The following RSRC1 variants were observed in gnomAD, a reference collection of about 807,000 sequenced individuals.
RSRC1 encodes the protein serine/Arginine-related protein 53.
In RSRC1, 39 loss-of-function variants were observed where a neutral mutation model predicts 49.1. That is an observed-to-expected ratio of 0.79 (90% CI 0.61 to 1.04). The LOEUF (loss-of-function observed/expected upper bound fraction) is 1.04. Ranked by LOEUF, RSRC1 falls within the 50% of genes least tolerant of loss-of-function variation. The pLI, the probability that RSRC1 is intolerant of heterozygous loss-of-function variation, is 0.00. For missense variants in RSRC1, 388 were observed against 402.4 expected (o/e 0.96, Z 0.31); for synonymous variants, 143 against 130.8 (o/e 1.09, Z -0.63).
chr3:158,426,093 G>T (rs1054349985), intron 6 of RSRC1, among the ~76,000 whole-genome samples: 2 of 151,538 alleles, frequency 1.3e-5, no homozygotes, highest in African/African-American at 4.8e-5. Flanking sequence ...ATTTCAAAAG[G>T]CTTAGATATT....
chr3:158,387,168 T>C (rs1344070681), intron 6 of RSRC1, among the ~76,000 whole-genome samples: 2 of 152,126 alleles, frequency 1.3e-5, no homozygotes, highest in African/African-American at 2.4e-5. Context: ...AATACAAATA[T>C]AAGGATTATC....
chr3:158,477,369 C>A (rs1195691430), intron 7 of RSRC1, among the ~76,000 whole-genome samples: 1 of 152,106 alleles, frequency 6.6e-6, no homozygotes, highest in Non-Finnish European at 1.5e-5. Flanking sequence ...GTTGATGCAG[C>A]AAGCTTCATT....
chr3:158,295,200 A>C (rs762280641), intron 4 of RSRC1, among the ~76,000 whole-genome samples: 3 of 152,068 alleles, frequency 2.0e-5, no homozygotes, highest in Non-Finnish European at 4.4e-5. Context: ...ATGAGTCCTG[A>C]AGGATGGATT....
chr3:158,290,486 AG>A (rs1726871614), intron 4 of RSRC1, among the ~76,000 whole-genome samples: 1 of 152,122 alleles, frequency 6.6e-6, no homozygotes, highest in South Asian at 2.1e-4. Flanking sequence ...CGTGTTAGCC[AG>A]GATGGTCTCG....
At chr3:158,326,276 AG>A (rs1729131853) in intron 5 of RSRC1, among the ~76,000 whole-genome samples, 1 of 152,108 alleles carries the variant, frequency 6.6e-6, no homozygotes, top group South Asian at 2.1e-4. Context: ...GTTGAATAGG[AG>A]TGGTGAGAGA....
At chr3:158,358,608 C>T (rs1404992527) in intron 6 of RSRC1, among the ~76,000 whole-genome samples, 1 of 152,044 alleles carries the variant, frequency 6.6e-6, no homozygotes. Flanking sequence ...GTGAAATTTA[C>T]ATAACATAAA....
At chr3:158,265,129 A>T (rs1187107245) in intron 4 of RSRC1, among the ~76,000 whole-genome samples, 2 of 152,162 alleles carry the variant, frequency 1.3e-5, no homozygotes, top group Non-Finnish European at 2.9e-5. Context: ...CCTCTGTTGC[A>T]CTGGGACCTG....
chr3:158,134,101 T>C (rs1407368330), intron 3 of RSRC1, among the ~76,000 whole-genome samples: 4 of 80,922 alleles, frequency 4.9e-5, no homozygotes, highest in African/African-American at 2.0e-4. Flanking sequence ...GAAATGAGAA[T>C]AATAATATCA....
rs1296215217 is a variant in RSRC1 at position 158,123,920 on chromosome 3, T to C, written c.249T>C (p.Ser83=). The C allele has an allele frequency of 6.2e-7, 1 of 1,613,090 alleles. No individual in the cohort carries two copies. ...SSSYGSRRKR[S]RSRSRGRGKS... ...CTTATGGCTCCAGAAGGAAACGAAG[T>C]CGAAGTCGTTCAAGGGGTCGAGGGA... Residue 83 remains serine, a synonymous_variant, in exon 3 of 10, where the codon AGT becomes AGC. Coordinates refer to ENST00000611884, the MANE Select transcript of RSRC1 (RefSeq NM_001271838.2).
chr3:158,263,052 G>T (rs1724986791), intron 4 of RSRC1, among the ~76,000 whole-genome samples: 1 of 152,078 alleles, frequency 6.6e-6, no homozygotes, highest in African/African-American at 2.4e-5. Flanking sequence ...CTCAGGCTAA[G>T]ATCTCCAGCA....
intron 5 of RSRC1, among the ~76,000 whole-genome samples, chr3:158,338,131 A>G (rs921914542): frequency 2.5e-4 from 38 of 152,164 alleles, no homozygotes; most frequent in African/African-American, 8.7e-4. Flanking sequence ...TTATAGTTTA[A>G]CATCCTCATC....
chr3:158,355,932 A>G (rs1377040714), intron 6 of RSRC1, among the ~76,000 whole-genome samples: 31 of 151,734 alleles, frequency 2.0e-4, no homozygotes, highest in Admixed American at 2.0e-3. Flanking sequence ...CACACGCTAT[A>G]TTTTTTCCTA....
At chr3:158,296,546 T>C (rs1349480102) in intron 4 of RSRC1, among the ~76,000 whole-genome samples, 1 of 152,106 alleles carries the variant, frequency 6.6e-6, no homozygotes, top group African/African-American at 2.4e-5. Flanking sequence ...CAAATAACTA[T>C]ATTTGAATGT....
At chr3:158,229,545 T>G (rs941122172) in intron 4 of RSRC1, among the ~76,000 whole-genome samples, 5 of 148,574 alleles carry the variant, frequency 3.4e-5, no homozygotes, top group South Asian at 2.1e-4. Context: ...TGTTTTTTGT[T>G]TTTTTTTTTT....
intron 3 of RSRC1, among the ~76,000 whole-genome samples, chr3:158,140,270 A>G (rs889169777): frequency 6.6e-6 from 1 of 152,184 alleles, no homozygotes. Flanking sequence ...AAAGTTTTAT[A>G]GTTCACTTTC....
chr3:158,362,144 GCCTAGGCAACATGGTAAAA>G (rs1485555190), intron 6 of RSRC1, among the ~76,000 whole-genome samples: 1 of 152,112 alleles, frequency 6.6e-6, no homozygotes, highest in African/African-American at 2.4e-5. Context: ...TTCGAGACCA[GCCTAGGCAACATGGTAAAA>G]CCCTGTCTCT....
At chr3:158,247,947 T>C (rs1022412596) in intron 4 of RSRC1, among the ~76,000 whole-genome samples, 3 of 152,322 alleles carry the variant, frequency 2.0e-5, no homozygotes, top group African/African-American at 7.2e-5. Context: ...AACAGACACA[T>C]AGACCAATGG....
intron 5 of RSRC1, among the ~76,000 whole-genome samples, chr3:158,349,423 C>T (rs6788695): frequency 0.95 from 144,038 of 152,200 alleles, 68,255 homozygotes; most frequent in East Asian, 1. Context: ...TTAATGGGAC[C>T]GTTTGTGATT....
rs1491469875 is a variant in RSRC1 at position 158,118,462 on chromosome 3, T to TGTGTGTGTGTGTGTGTGCGCGCGC, written c.-2-3640_-2-3639insTGTGTGTGTGTGTGTGCGCGCGCG. ...GTGTGTGTGTGTGTGTGTGTGTGTG[T>TGTGTGTGTGTGTGTGTGCGCGCGC]GCGCGTGCGCGTGGTTTTTTTAAAT... On this transcript the variant is annotated intron_variant, in intron 1 of 9. Transcript: ENST00000611884. 4.7e-4 allele frequency among the ~76,000 whole-genome samples: 58 copies of TGTGTGTGTGTGTGTGTGCGCGCGC among 124,702 alleles called. 2 individuals carry two copies. The highest frequency in any genetic ancestry group is 1.1e-3 in the East Asian group (4 of 3,780). The allele number at this position is 124,702 out of a possible 152,430, so 81.8% of individuals were successfully genotyped here. A position where few individuals can be genotyped will look rare whatever the true frequency, so the allele number is the denominator to read the frequency against.
Sources: allele counts gnomAD v4.1 joint callset (sites outside exome capture counted in the v4.1 genomes callset), GRCh38; gene constraint gnomAD v4.1.1; transcripts MANE v1.5; gene names NCBI Gene and HGNC (gene_info 2026-07-23, HGNC 2026-07-21).